Variants in MPG observed in about 807,000 individuals in gnomAD.
MPG encodes the protein N-methylpurine DNA glycosylase, also known as DNA-3-methyladenine glycosylase.
In MPG, 33 loss-of-function variants were observed where a neutral mutation model predicts 31.7. The observed-to-expected ratio is 1.04, with a 90% CI of 0.79 to 1.39. MPG has a LOEUF of 1.39. Among genes scored for constraint, MPG ranks in the 40% most tolerant of loss-of-function variants. The pLI, the probability that MPG is intolerant of heterozygous loss-of-function variation, is 0.00. For synonymous variants in MPG, 202 were observed against 169.2 expected (o/e 1.19, Z -1.51); for missense variants, 455 against 415.5 (o/e 1.10, Z -0.83).
chr16:78,296 G>A lies in MPG; in HGVS notation c.-14G>A. 7.5e-7 allele frequency: 1 copy of A among 1,338,214 alleles called. No individual in the cohort carries two copies. The highest frequency in any genetic ancestry group is 9.6e-7 in the Non-Finnish European group (1 of 1,042,478). 82.9% of individuals were successfully genotyped at this position (1,338,214 alleles called of 1,614,324 possible). ...GGGGTCCGAGTCCCACGAAGCCCCG[G>A]CCCGAGCCGCCGGATGCCCGCGCGC... On this transcript the variant is annotated 5_prime_UTR_variant, in exon 1 of 4. Transcript: ENST00000356432.
At chr16:79,212 G>A in intron 1 of MPG, 1 of 1,550,244 alleles carries the variant, frequency 6.5e-7, no homozygotes, top group Non-Finnish European at 8.7e-7. Flanking sequence ...GCCCCCAGCA[G>A]CAGCCGTCCA....
chr16:83,006 G>A lies in MPG; in HGVS notation c.301-46G>A, dbSNP rs750610070. 19 of 1,498,230 alleles carry A rather than the reference G, an allele frequency of 1.3e-5. No homozygotes were observed. In the East Asian group the frequency reaches 2.5e-4, roughly 20 times the overall value. The allele number at this position is 1,498,230 out of a possible 1,614,324, so 92.8% of individuals were successfully genotyped here. ...CAGGCTGGGCACTGTTAGGGTGAGT[G>A]GACCCCCATCCCTTCCCGCCCTGAG... On this transcript the variant is annotated intron_variant, in intron 2 of 3. Coordinates refer to ENST00000356432, the MANE Select transcript of MPG (RefSeq NM_001015052.3).
upstream of MPG, chr16:78,210 G>A: frequency 8.8e-7 from 1 of 1,136,352 alleles, no homozygotes; most frequent in South Asian, 2.2e-5. Flanking sequence ...TTCTGCGCAG[G>A]CGCCGCTCCG....
chr16:85,450 G>A lies in MPG; in HGVS notation c.555G>A (p.Leu185=), dbSNP rs1328471406. ...LLRALEPLEG[L]ETMRQLRSTL... is the part of the protein sequence containing the mutation. Reference sequence around the variant, plus strand: ...GAGCACTGGAGCCCCTGGAAGGTCTGGAGACCATGCGTCAGCTTCGCAGCA... The same window carrying A: ...GAGCACTGGAGCCCCTGGAAGGTCTAGAGACCATGCGTCAGCTTCGCAGCA... The change falls in exon 4 of 4, where the codon CTG becomes CTA. Residue 185 remains leucine (L), a synonymous_variant. Transcript: ENST00000356432. The A allele has an allele frequency of 1.9e-6, 3 of 1,612,846 alleles. No homozygotes were observed. The highest frequency in any genetic ancestry group is 2.2e-5 in the East Asian group (1 of 44,882).
At chr16:81,637 C>G (rs1338418001) in intron 2 of MPG, among the ~76,000 whole-genome samples, 1 of 145,700 alleles carries the variant, frequency 6.9e-6, no homozygotes, top group Non-Finnish European at 1.5e-5. Flanking sequence ...ACACTGACCC[C>G]TTCTTCCCAC....
intron 1 of MPG, chr16:79,016 G>T: frequency 1.4e-6 from 2 of 1,414,084 alleles, no homozygotes; most frequent in Non-Finnish European, 1.8e-6. Flanking sequence ...TCTGGCAAGG[G>T]TTGGATGAAA....
chr16:80,205 G>A (rs977956999), intron 2 of MPG, among the ~76,000 whole-genome samples: 1 of 152,226 alleles, frequency 6.6e-6, no homozygotes, highest in African/African-American at 2.4e-5. Context: ...CTACGGTGCA[G>A]CCTGTCCCCA....
chr16:80,673 A>G (rs1342720292), intron 2 of MPG, among the ~76,000 whole-genome samples: 1 of 152,106 alleles, frequency 6.6e-6, no homozygotes, highest in Non-Finnish European at 1.5e-5. Flanking sequence ...GCTGGGTGTG[A>G]TGACGGGCGC....
At chr16:82,769 C>G (rs1898285691) in intron 2 of MPG, among the ~76,000 whole-genome samples, 1 of 152,190 alleles carries the variant, frequency 6.6e-6, no homozygotes, top group African/African-American at 2.4e-5. Context: ...AAGGTGAATC[C>G]ATGACTGCCG....
rs912563196 is a variant in MPG, at chr16:85,831, T to C, written c.*54T>C. On this transcript the variant is annotated 3_prime_UTR_variant, in exon 4 of 4. Transcript: ENST00000356432. Reference sequence around the variant, plus strand: ...TAATTGTTTAAAAACCGAATAAATGTTTTATTTCTAGAAAACTGTGCCTTA... The same window carrying C: ...TAATTGTTTAAAAACCGAATAAATGCTTTATTTCTAGAAAACTGTGCCTTA... 30 of 1,430,048 alleles carry C rather than the reference T, an allele frequency of 2.1e-5. No individual in the cohort carries two copies. The highest frequency in any genetic ancestry group is 2.8e-5 in the Non-Finnish European group (30 of 1,089,404). 88.6% of individuals were successfully genotyped at this position (1,430,048 alleles called of 1,614,324 possible).
In MPG at chr16:85,517, G is replaced by A. The variant is rs766487967; in HGVS notation, c.622G>A (p.Glu208Lys). Residue 208 changes from glutamate (E) to lysine (K), a missense_variant, in exon 4 of 4, where the codon GAG (glutamate) becomes AAG (lysine). By Grantham distance (56) the Glu-to-Lys change is moderately conservative. Transcript: ENST00000356432. ...CGCCAGCCGTGTCCTCAAGGACCGC[G>A]AGCTCTGCAGTGGCCCCTCCAAGCT... ...GTASRVLKDR[E>K]LCSGPSKLCQ... 17 of 1,613,256 alleles carry A rather than the reference G, an allele frequency of 1.1e-5. No individual in the cohort carries two copies. Among genetic ancestry groups the A allele is most frequent in the East Asian group, 2.2e-5 (1 of 44,898 alleles).
intron 2 of MPG, among the ~76,000 whole-genome samples, chr16:82,380 A>G (rs540666733): frequency 9.2e-5 from 14 of 152,326 alleles, no homozygotes; most frequent in African/African-American, 3.1e-4. Context: ...TATCTGGCCT[A>G]AAAACGAGAG....
At chr16:77,318 C>A (rs1898114322), upstream of MPG, among the ~76,000 whole-genome samples, 1 of 152,140 alleles carries the variant, frequency 6.6e-6, no homozygotes, top group South Asian at 2.1e-4. Flanking sequence ...TGCCATGGGC[C>A]GTGGGAGCCA....
rs1259628153 is a variant in MPG, at chr16:79,523, C to G, written c.123C>G (p.His41Gln). The G allele has an allele frequency of 6.2e-7, 1 of 1,613,014 alleles. No individual in the cohort carries two copies. Among genetic ancestry groups the G allele is most frequent in the East Asian group, 2.2e-5 (1 of 44,880 alleles). The change falls in exon 2 of 4, where the codon CAC becomes CAG. Residue 41 changes from histidine (H) to glutamine (Q), a missense_variant. Coordinates refer to ENST00000356432, the MANE Select transcript of MPG (RefSeq NM_001015052.3). ...DAAQAPAEQP[H>Q]SSSDAAQAPC... ...CCCAGGCACCTGCAGAGCAGCCACA[C>G]AGCTCGTCCGATGCAGCCCAGGCAC... is the stretch of plus-strand genomic sequence containing the variant.
chr16:82,529 C>T (rs551378330), intron 2 of MPG, among the ~76,000 whole-genome samples: 6 of 152,274 alleles, frequency 3.9e-5, no homozygotes, highest in South Asian at 2.1e-4. Context: ...CTCAGAAAGC[C>T]GGAGGGTGGG....
In MPG at chr16:79,465, G is replaced by T; in HGVS notation, c.65G>T (p.Arg22Ile). 2 of 1,613,104 alleles carry T rather than the reference G, an allele frequency of 1.2e-6. No homozygotes were observed. Residue 22 changes from arginine (R) to isoleucine (I), a missense_variant, in exon 2 of 4, where the codon AGA becomes ATA. Transcript: ENST00000356432. ...RMGQKKQRPA[R>I]AGQPHSSSDA... Reference sequence around the variant, plus strand: ...GGGCAAAAGAAGCAGCGACCAGCTAGAGCAGGGCAGCCACACAGCTCGTCC... The same window carrying T: ...GGGCAAAAGAAGCAGCGACCAGCTATAGCAGGGCAGCCACACAGCTCGTCC...
At position 85,476 on chromosome 16, in the gene MPG, CCCT is replaced by C. The variant is rs765052101; in HGVS notation, c.584_586del (p.Leu195del). ...GAGACCATGCGTCAGCTTCGCAGCA[CCCT>C]CCGGAAAGGCACCGCCAGCCGTGTC... On this transcript the variant is annotated inframe_deletion, in exon 4 of 4. Coordinates refer to ENST00000356432, the MANE Select transcript of MPG (RefSeq NM_001015052.3). 6.2e-7 allele frequency: 1 copy of C among 1,613,170 alleles called. No individual in the cohort carries two copies. Among genetic ancestry groups the C allele is most frequent in the South Asian group, 1.1e-5 (1 of 91,080 alleles).
chr16:81,153 C>G (rs1356462718), intron 2 of MPG, among the ~76,000 whole-genome samples: 1 of 152,188 alleles, frequency 6.6e-6, no homozygotes, highest in African/African-American at 2.4e-5. Flanking sequence ...GCCATGAAAT[C>G]CCAGGCCACT....
At chr16:78,138 CG>C (rs1350658119), upstream of MPG, 3 of 433,850 alleles carry the variant, frequency 6.9e-6, no homozygotes, top group Non-Finnish European at 1.1e-5. Flanking sequence ...TGGCCCGCCC[CG>C]CCCCGGGGGC....
Sources: gnomAD v4.1 joint callset for allele counts (sites outside exome capture counted in the v4.1 genomes callset) on GRCh38, gnomAD v4.1.1 for gene constraint, MANE v1.5 for transcripts, NCBI Gene and HGNC (gene_info 2026-07-23, HGNC 2026-07-21) for gene names.